The following SEMA5A variants were observed in gnomAD, a reference collection of about 807,000 sequenced individuals.
SEMA5A encodes semaphorin 5A.
Under a neutral mutation model 135.5 loss-of-function variants are expected in SEMA5A, and 55 were observed. The ratio of observed to expected loss-of-function variants is 0.41; its 90% CI spans 0.33 to 0.51. SEMA5A has a LOEUF of 0.51. Among genes scored for constraint, SEMA5A ranks in the 20% least tolerant of loss-of-function variants. The pLI is 0.37. For synonymous variants in SEMA5A, 580 were observed against 546.5 expected (o/e 1.06, Z -0.85); for missense variants, 1,290 against 1,419.9 (o/e 0.91, Z 1.47).
chr5:9,245,515 T>A (rs919095779), intron 5 of SEMA5A, among the ~76,000 whole-genome samples: 1 of 152,178 alleles, frequency 6.6e-6, no homozygotes, highest in Non-Finnish European at 1.5e-5. Flanking sequence ...TTTGGTTGCC[T>A]GCTTTTGAAA....
chr5:9,187,049 G>A (rs1744847493), intron 11 of SEMA5A, among the ~76,000 whole-genome samples: 1 of 152,010 alleles, frequency 6.6e-6, no homozygotes, highest in Non-Finnish European at 1.5e-5. Context: ...TTATAAATAA[G>A]AGACCGGAAA....
chr5:9,146,620 T>C (rs1310663721), intron 12 of SEMA5A, among the ~76,000 whole-genome samples: 1 of 152,208 alleles, frequency 6.6e-6, no homozygotes, highest in African/African-American at 2.4e-5. Context: ...GAATAAATTC[T>C]AAGGCAACTC....
Position 9,495,249 on chromosome 5 carries a change from A to C in SEMA5A, c.-175+50335T>G, listed in dbSNP as rs188118683. Among the ~76,000 whole-genome samples the C allele has an allele frequency of 1.6e-4, 25 of 152,304 alleles. No homozygotes were observed. In the East Asian group the frequency reaches 3.1e-3, roughly 19 times the overall value. On this transcript the variant is annotated intron_variant, in intron 1 of 22. Coordinates refer to ENST00000382496, the MANE Select transcript of SEMA5A (RefSeq NM_003966.3). ...CAGTGATTAAACCACCAATACTAGG[A>C]GTCAGCAGGCAGGCTGTGTCCACAA...
intron 4 of SEMA5A, among the ~76,000 whole-genome samples, chr5:9,323,941 G>A (rs1050422197): frequency 2.6e-5 from 4 of 151,786 alleles, no homozygotes; most frequent in Non-Finnish European, 4.4e-5. Context: ...GAGCCACCAC[G>A]CCTGGCCTAA....
intron 2 of SEMA5A, among the ~76,000 whole-genome samples, chr5:9,385,958 C>T (rs1222750000): frequency 6.6e-6 from 1 of 151,906 alleles, no homozygotes; most frequent in Non-Finnish European, 1.5e-5. Context: ...CACACCACCA[C>T]ACCTGGCTAA....
At chr5:9,309,432 G>A (rs1421143137) in intron 5 of SEMA5A, among the ~76,000 whole-genome samples, 7 of 152,114 alleles carry the variant, frequency 4.6e-5, no homozygotes, top group Non-Finnish European at 1.0e-4. Flanking sequence ...AACCTGCCTT[G>A]TGATTTCTTG....
At chr5:9,193,284 T>C (rs1745211940) in intron 10 of SEMA5A, among the ~76,000 whole-genome samples, 1 of 152,160 alleles carries the variant, frequency 6.6e-6, no homozygotes, top group Non-Finnish European at 1.5e-5. Context: ...TGTGGGGCAC[T>C]GTGTGACTCC....
chr5:9,082,424 G>T lies in SEMA5A; in HGVS notation c.2074-15778C>A, dbSNP rs560921613. Among the ~76,000 whole-genome samples, 125 of 152,292 alleles carry T rather than the reference G, an allele frequency of 8.2e-4. No homozygotes were observed. The Middle Eastern group carries it at 0.014, about 17-fold the overall frequency. ...AAAGAGTTGATTCTTCATTAGGGTT[G>T]ATGTCTTGAAAACAATTTTCTTCTC... On this transcript the variant is annotated intron_variant, in intron 16 of 22. Coordinates refer to ENST00000382496, the MANE Select transcript of SEMA5A (RefSeq NM_003966.3).
intron 2 of SEMA5A, among the ~76,000 whole-genome samples, chr5:9,389,507 C>A (rs1401910623): frequency 1.3e-5 from 2 of 152,196 alleles, no homozygotes; most frequent in Non-Finnish European, 2.9e-5. Flanking sequence ...GCTAACTACA[C>A]CATCACTCAG....
chr5:9,162,448 G>A (rs1294047863), intron 11 of SEMA5A, among the ~76,000 whole-genome samples: 2 of 94,396 alleles, frequency 2.1e-5, no homozygotes, highest in Non-Finnish European at 4.0e-5. Context: ...ATGTGTATGT[G>A]TATATATATG....
intron 11 of SEMA5A, among the ~76,000 whole-genome samples, chr5:9,173,277 C>CA (rs1744023253): frequency 7.5e-6 from 1 of 132,616 alleles, no homozygotes; most frequent in Non-Finnish European, 1.6e-5. Context: ...TTTCTTCACC[C>CA]GGTTTTTTTT....
chr5:9,431,542 C>T (rs555813135), intron 2 of SEMA5A, among the ~76,000 whole-genome samples: 5 of 152,150 alleles, frequency 3.3e-5, no homozygotes, highest in Non-Finnish European at 7.4e-5. Flanking sequence ...GAAACCCCCA[C>T]TAGCTTTCCT....
chr5:9,452,234 C>T (rs1371234086), intron 1 of SEMA5A, among the ~76,000 whole-genome samples: 3 of 152,206 alleles, frequency 2.0e-5, no homozygotes, highest in African/African-American at 7.2e-5. Context: ...GCTGTCACTG[C>T]TCAAAAGACA....
chr5:9,384,527 T>TATAGATAG lies in SEMA5A; in HGVS notation c.-77-4512_-77-4505dup, dbSNP rs10547408. On this transcript the variant is annotated intron_variant, in intron 2 of 22. Transcript: ENST00000382496. Reference sequence around the variant, plus strand: ...ATTGCCCCTGGTTGAGAACCTCTGCTATAGATAGATAGATAGATAGATAGA... The same window carrying TATAGATAG: ...ATTGCCCCTGGTTGAGAACCTCTGCTATAGATAGATAGATAGATAGATAGATAGATAGA... Among the ~76,000 whole-genome samples the TATAGATAG allele has an allele frequency of 3.2e-4, 31 of 96,548 alleles. 1 individual carries two copies. Among genetic ancestry groups the TATAGATAG allele is most frequent in the South Asian group, 1.4e-3 (4 of 2,896 alleles). The allele number at this position is 96,548 out of a possible 152,430, so 63.3% of individuals were successfully genotyped here. A position where few individuals can be genotyped will look rare whatever the true frequency, so the allele number is the denominator to read the frequency against.
At chr5:9,445,119 C>G (rs1185123835) in intron 1 of SEMA5A, among the ~76,000 whole-genome samples, 1 of 151,988 alleles carries the variant, frequency 6.6e-6, no homozygotes, top group East Asian at 1.9e-4. Context: ...TCCACATCAG[C>G]TTGAACCTCC....
intron 2 of SEMA5A, among the ~76,000 whole-genome samples, chr5:9,403,041 C>A (rs540602424): frequency 4.6e-5 from 7 of 152,282 alleles, no homozygotes; most frequent in African/African-American, 1.4e-4. Flanking sequence ...CTACATGCCC[C>A]TTGCTCTTTA....
chr5:9,464,715 TC>T (rs1759189374), intron 1 of SEMA5A, among the ~76,000 whole-genome samples: 1 of 152,052 alleles, frequency 6.6e-6, no homozygotes, highest in Non-Finnish European at 1.5e-5. Flanking sequence ...TTGTAGACCA[TC>T]ACAGCCTCCT....
intron 16 of SEMA5A, among the ~76,000 whole-genome samples, chr5:9,098,989 A>G (rs1739476496): frequency 6.6e-6 from 1 of 152,226 alleles, no homozygotes; most frequent in Non-Finnish European, 1.5e-5. Context: ...TAAAAACTAT[A>G]GAAATGTACA....
At chr5:9,049,822 T>G (rs1032322936) in intron 21 of SEMA5A, among the ~76,000 whole-genome samples, 1 of 152,226 alleles carries the variant, frequency 6.6e-6, no homozygotes, top group Admixed American at 6.5e-5. Flanking sequence ...AAATTTATCA[T>G]GTACTTGAAC....
Sources: allele counts gnomAD v4.1 joint callset (sites outside exome capture counted in the v4.1 genomes callset), GRCh38; gene constraint gnomAD v4.1.1; transcripts MANE v1.5; gene names NCBI Gene and HGNC (gene_info 2026-07-23, HGNC 2026-07-21).